Variants in CCDC7 observed in about 807,000 individuals in gnomAD.
CCDC7 encodes the protein coiled-coil domain containing 7, also known as coiled-coil domain-containing protein 7.
CCDC7 carries 183 observed loss-of-function variants against 196.9 expected under a neutral mutation model. The ratio of observed to expected loss-of-function variants is 0.93; its 90% CI spans 0.82 to 1.05. The LOEUF is 1.05. Among genes scored for constraint, CCDC7 ranks in the 50% least tolerant of loss-of-function variants. CCDC7 has a pLI of 0.00. For missense variants in CCDC7, 1,540 were observed against 1,482.2 expected, an observed-to-expected ratio of 1.04 and a Z score of -0.64; for synonymous variants, 525 against 484.6, an observed-to-expected ratio of 1.08 and a Z score of -1.10.
chr10:32,540,580 A>G (rs780553658), intron 11 of CCDC7, among the ~76,000 whole-genome samples: 3 of 152,084 alleles, frequency 2.0e-5, no homozygotes, highest in Non-Finnish European at 2.9e-5. Flanking sequence ...TTAGCATTTG[A>G]TTGCCTGAAA....
chr10:32,483,608 C>A (rs1225604322), intron 8 of CCDC7, among the ~76,000 whole-genome samples: 1 of 152,154 alleles, frequency 6.6e-6, no homozygotes, highest in Non-Finnish European at 1.5e-5. Context: ...AGGTTTTCTT[C>A]TAGGGTTTTT....
At chr10:32,598,347 A>T (rs2060636026) in intron 18 of CCDC7, among the ~76,000 whole-genome samples, 1 of 152,182 alleles carries the variant, frequency 6.6e-6, no homozygotes, top group East Asian at 1.9e-4. Flanking sequence ...TGCTAAGGCC[A>T]TTGGAAAAGT....
At chr10:32,747,419 G>A (rs532800487) in intron 28 of CCDC7, among the ~76,000 whole-genome samples, 1 of 152,226 alleles carries the variant, frequency 6.6e-6, no homozygotes, top group East Asian at 1.9e-4. Flanking sequence ...TATCAACAGA[G>A]TAAAGAGACG....
At chr10:32,735,054 A>G (rs2132933210) in intron 28 of CCDC7, among the ~76,000 whole-genome samples, 1 of 69,804 alleles carries the variant, frequency 1.4e-5, no homozygotes. Context: ...AACAGTTTAG[A>G]CAGAGGCTCT....
In CCDC7 at chr10:32,695,009, T is replaced by G; in HGVS notation, c.2458+17T>G. On this transcript the variant is annotated intron_variant, in intron 24 of 41. Transcript: ENST00000639629. The stretch of plus-strand genomic sequence containing the variant: ...GACATAGTAGTAAGTATAATAATTA[T>G]AGATAACTTAAAAATTTTAAAGTTA... The G allele has an allele frequency of 7.4e-7, 1 of 1,357,038 alleles. No homozygotes were observed. Among genetic ancestry groups the G allele is most frequent in the South Asian group, 1.5e-5 (1 of 68,250 alleles). The allele number at this position is 1,357,038 out of a possible 1,614,324, so 84.1% of individuals were successfully genotyped here. A position where few individuals can be genotyped will look rare whatever the true frequency, so the allele number is the denominator to read the frequency against.
intron 20 of CCDC7, among the ~76,000 whole-genome samples, chr10:32,657,193 T>G (rs1194906201): frequency 6.6e-6 from 1 of 152,208 alleles, no homozygotes; most frequent in Admixed American, 6.5e-5. Context: ...TGATGCAAGC[T>G]GTCAGTGGAT....
intron 41 of CCDC7, among the ~76,000 whole-genome samples, chr10:32,867,022 C>G (rs1317177646): frequency 1.3e-5 from 2 of 151,478 alleles, no homozygotes; most frequent in East Asian, 3.9e-4. Flanking sequence ...GAAAAATATT[C>G]TACAGACTGG....
At chr10:32,743,028 G>C (rs2086142795) in intron 28 of CCDC7, among the ~76,000 whole-genome samples, 1 of 152,158 alleles carries the variant, frequency 6.6e-6, no homozygotes, top group African/African-American at 2.4e-5. Context: ...TGAATACTCT[G>C]GATATACCAC....
chr10:32,877,090 T>C (rs899233877), downstream of CCDC7: 2 of 152,004 alleles, frequency 1.3e-5, no homozygotes, highest in African/African-American at 4.8e-5. Flanking sequence ...CAAAAAATAA[T>C]AAAGAAAATT....
intron 28 of CCDC7, among the ~76,000 whole-genome samples, chr10:32,765,932 A>G (rs186902597): frequency 1.0e-3 from 156 of 152,190 alleles, no homozygotes; most frequent in Admixed American, 1.9e-3. Context: ...AAGTCTAGCA[A>G]TGCATCTTCA....
At chr10:32,532,271 A>G (rs1244790997) in intron 11 of CCDC7, among the ~76,000 whole-genome samples, 1 of 152,088 alleles carries the variant, frequency 6.6e-6, no homozygotes, top group African/African-American at 2.4e-5. Flanking sequence ...TTTAAGTGTC[A>G]TTCTTAATTT....
intron 41 of CCDC7, among the ~76,000 whole-genome samples, chr10:32,862,016 C>G (rs1358481117): frequency 6.6e-6 from 1 of 152,114 alleles, no homozygotes; most frequent in African/African-American, 2.4e-5. Flanking sequence ...GGTGATTCCT[C>G]AAGAATCTAG....
At chr10:32,461,797 G>A (rs1173173667) in intron 3 of CCDC7, among the ~76,000 whole-genome samples, 3 of 140,740 alleles carry the variant, frequency 2.1e-5, no homozygotes, top group Non-Finnish European at 4.6e-5. Flanking sequence ...TTAAGATGGA[G>A]TTTCGCTCTT....
intron 28 of CCDC7, among the ~76,000 whole-genome samples, chr10:32,750,987 G>A (rs971417887): frequency 1.3e-5 from 2 of 152,134 alleles, no homozygotes; most frequent in African/African-American, 4.8e-5. Context: ...AGTGGTATAA[G>A]AAATAATTAA....
intron 24 of CCDC7, among the ~76,000 whole-genome samples, chr10:32,704,835 G>C (rs1418947512): frequency 6.6e-6 from 1 of 152,152 alleles, no homozygotes; most frequent in African/African-American, 2.4e-5. Flanking sequence ...TATTCTCCTG[G>C]TGTGCCATTT....
intron 20 of CCDC7, among the ~76,000 whole-genome samples, chr10:32,640,236 G>T (rs550424427): frequency 1.3e-5 from 2 of 152,084 alleles, no homozygotes; most frequent in Admixed American, 1.3e-4. Context: ...TGTATTGGGT[G>T]CATACATATT....
intron 28 of CCDC7, among the ~76,000 whole-genome samples, chr10:32,777,736 C>A (rs564203048): frequency 6.6e-6 from 1 of 151,728 alleles, no homozygotes; most frequent in African/African-American, 2.4e-5. Flanking sequence ...TGGTGGCATG[C>A]GCCTGTAATC....
At chr10:32,779,607 A>G (rs901988222) in intron 29 of CCDC7, among the ~76,000 whole-genome samples, 132 of 152,310 alleles carry the variant, frequency 8.7e-4, no homozygotes, top group African/African-American at 3.0e-3. Flanking sequence ...CTATTTTCTA[A>G]TAAGATAAAA....
At chr10:32,472,845 C>G (rs1268436154) in intron 7 of CCDC7, among the ~76,000 whole-genome samples, 2 of 152,092 alleles carry the variant, frequency 1.3e-5, no homozygotes, top group Non-Finnish European at 1.5e-5. Context: ...ATCCTCCCAC[C>G]TCGGGCTCCT....
Sources: allele counts gnomAD v4.1 joint callset (sites outside exome capture counted in the v4.1 genomes callset), GRCh38; gene constraint gnomAD v4.1.1; transcripts MANE v1.5; gene names NCBI Gene and HGNC (gene_info 2026-07-23, HGNC 2026-07-21).